MGAT4C: variants seen among roughly 807,000 people sequenced by gnomAD.
The protein encoded by MGAT4C is alpha-1,3-mannosyl-glycoprotein 4-beta-N-acetylglucosaminyltransferase C.
In MGAT4C, 19 loss-of-function variants were observed where a neutral mutation model predicts 40.1. The ratio of observed to expected loss-of-function variants is 0.47; its 90% CI spans 0.33 to 0.70. The LOEUF (loss-of-function observed/expected upper bound fraction) is 0.70, where lower values mean the gene tolerates loss of function less well. MGAT4C is among the 30% of genes least tolerant of loss of function. The probability of loss-of-function intolerance (pLI) is 0.02; values close to 1 mark genes in which losing one functional copy is unlikely to be tolerated. For synonymous variants in MGAT4C, 181 were observed against 187.1 expected, an observed-to-expected ratio of 0.97 and a Z score of 0.27; for missense variants, 491 against 563.2, an observed-to-expected ratio of 0.87 and a Z score of 1.30.
intron 1 of MGAT4C, among the ~76,000 whole-genome samples, chr12:86,781,591 T>C (rs1951841371): frequency 6.6e-6 from 1 of 152,142 alleles, no homozygotes; most frequent in African/African-American, 2.4e-5. Flanking sequence ...ATTTTTATAA[T>C]ACTTATTTTG....
At chr12:85,999,647 T>TGAATACTATTTAGCCATAAAATAGAATG (rs1887076919) in intron 2 of MGAT4C, among the ~76,000 whole-genome samples, 2 of 151,072 alleles carry the variant, frequency 1.3e-5, no homozygotes, top group African/African-American at 4.9e-5. Flanking sequence ...TAAAATAGAA[T>TGAATACTATTTAGCCATAAAATAGAATG]GAATACTATT....
intron 2 of MGAT4C, among the ~76,000 whole-genome samples, chr12:86,718,223 T>C (rs1361556728): frequency 1.3e-5 from 2 of 152,198 alleles, no homozygotes; most frequent in Non-Finnish European, 2.9e-5. Flanking sequence ...ACTGACCCAT[T>C]GTTTATGTTT....
intron 2 of MGAT4C, among the ~76,000 whole-genome samples, chr12:86,047,150 C>G (rs1892476776): frequency 6.6e-6 from 1 of 152,104 alleles, no homozygotes; most frequent in African/African-American, 2.4e-5. Flanking sequence ...TGTTTAAGAA[C>G]TGCTGCACTT....
At chr12:86,300,227 G>C (rs1166561401) in intron 4 of MGAT4C, among the ~76,000 whole-genome samples, 1 of 152,088 alleles carries the variant, frequency 6.6e-6, no homozygotes, top group Non-Finnish European at 1.5e-5. Context: ...AAATTGACAG[G>C]AGTTTCACAC....
At chr12:86,479,054 C>A (rs1345568950) in intron 2 of MGAT4C, among the ~76,000 whole-genome samples, 2 of 151,964 alleles carry the variant, frequency 1.3e-5, no homozygotes, top group Non-Finnish European at 2.9e-5. Context: ...TGCAAGCAAA[C>A]CAACAGCATA....
intron 4 of MGAT4C, among the ~76,000 whole-genome samples, chr12:85,982,283 G>T (rs1220677785): frequency 6.6e-6 from 1 of 152,120 alleles, no homozygotes; most frequent in Admixed American, 6.6e-5. Context: ...AGGTTCAGGC[G>T]ATTCTTGTGC....
chr12:86,087,252 T>C (rs995768226), intron 1 of MGAT4C, among the ~76,000 whole-genome samples: 3 of 152,104 alleles, frequency 2.0e-5, no homozygotes, highest in Non-Finnish European at 2.9e-5. Flanking sequence ...CTGTTCTCCA[T>C]AGTGACTATA....
At chr12:86,143,075 T>C (rs1042081389) in intron 1 of MGAT4C, among the ~76,000 whole-genome samples, 5 of 152,172 alleles carry the variant, frequency 3.3e-5, no homozygotes, top group African/African-American at 1.2e-4. Context: ...ACTAAATTTG[T>C]TGGCACCTTA....
chr12:86,710,144 G>C (rs1341631477), intron 2 of MGAT4C, among the ~76,000 whole-genome samples: 1 of 152,132 alleles, frequency 6.6e-6, no homozygotes, highest in Non-Finnish European at 1.5e-5. Flanking sequence ...AACTTCACTA[G>C]TCATTGAAGT....
intron 1 of MGAT4C, among the ~76,000 whole-genome samples, chr12:86,227,560 C>T (rs913086973): frequency 2.0e-5 from 3 of 151,894 alleles, no homozygotes; most frequent in East Asian, 1.9e-4. Context: ...CTTCAGCACA[C>T]GTATAAAACA....
chr12:86,307,316 A>G (rs1181062721), intron 4 of MGAT4C, among the ~76,000 whole-genome samples: 1 of 150,726 alleles, frequency 6.6e-6, no homozygotes, highest in Non-Finnish European at 1.5e-5. Flanking sequence ...AATTACATAA[A>G]ATAAACTATT....
intron 4 of MGAT4C, among the ~76,000 whole-genome samples, chr12:86,323,752 T>C (rs1053661627): frequency 2.6e-5 from 4 of 151,978 alleles, no homozygotes; most frequent in African/African-American, 9.7e-5. Context: ...TCATGCTTCA[T>C]GCCTTCTCAT....
At chr12:86,773,950 T>C (rs1951684244) in intron 1 of MGAT4C, among the ~76,000 whole-genome samples, 1 of 130,642 alleles carries the variant, frequency 7.7e-6, no homozygotes, top group Non-Finnish European at 1.6e-5. Flanking sequence ...AACTTCTTTT[T>C]TTTTTTTTTT....
chr12:86,121,393 G>GAA (rs1879354151), intron 1 of MGAT4C, among the ~76,000 whole-genome samples: 1 of 152,018 alleles, frequency 6.6e-6, no homozygotes. Flanking sequence ...GAAATACAGA[G>GAA]AACACCACAA....
At chr12:86,261,011 C>T (rs1566238743), upstream of MGAT4C, among the ~76,000 whole-genome samples, 1 of 151,840 alleles carries the variant, frequency 6.6e-6, no homozygotes, top group Non-Finnish European at 1.5e-5. Context: ...GTTCATTAAA[C>T]ATCATATATA....
chr12:86,791,960 C>T (rs1952030551), intron 1 of MGAT4C, among the ~76,000 whole-genome samples: 1 of 152,130 alleles, frequency 6.6e-6, no homozygotes, highest in Non-Finnish European at 1.5e-5. Flanking sequence ...GGAGACGGGG[C>T]AAAATTCCCA....
In MGAT4C at chr12:86,397,926, GCACTGCA is replaced by G. The variant is rs199576758; in HGVS notation, c.-120+37224_-120+37230del. On this transcript the variant is annotated intron_variant, in intron 3 of 7. Coordinates refer to the MGAT4C transcript ENST00000548651. Reference sequence around the variant, plus strand: ...TGCAGTGAGCTATGATCACACCACTGCACTGCAGCCTGAGTGACAGAGATGCCATTTC... The same window carrying G: ...TGCAGTGAGCTATGATCACACCACTGGCCTGAGTGACAGAGATGCCATTTC... 5.9e-3 allele frequency among the ~76,000 whole-genome samples: 900 copies of G among 152,250 alleles called. 5 individuals carry two copies. Among genetic ancestry groups the G allele is most frequent in the African/African-American group, 0.021 (856 of 41,544 alleles).
At chr12:86,460,635 G>A (rs1272456194) in intron 2 of MGAT4C, among the ~76,000 whole-genome samples, 2 of 151,940 alleles carry the variant, frequency 1.3e-5, no homozygotes, top group East Asian at 3.9e-4. Context: ...GTGTGTCTTT[G>A]TGTGTGTCTC....
intron 2 of MGAT4C, among the ~76,000 whole-genome samples, chr12:86,018,328 C>T (rs116766064): frequency 3.7e-4 from 56 of 152,230 alleles, no homozygotes; most frequent in African/African-American, 1.2e-3. Flanking sequence ...ATTACATTCC[C>T]CAAATCATAA....
Sources: gnomAD v4.1 joint callset for allele counts (sites outside exome capture counted in the v4.1 genomes callset) on GRCh38, gnomAD v4.1.1 for gene constraint, MANE v1.5 for transcripts, NCBI Gene and HGNC (gene_info 2026-07-23, HGNC 2026-07-21) for gene names.